HPRT1: variants seen among roughly 807,000 people sequenced by gnomAD.
HPRT1 encodes the protein hypoxanthine phosphoribosyltransferase 1.
A neutral mutation model predicts 19.0 loss-of-function variants in HPRT1; 4 were observed. The observed-to-expected ratio is 0.21, with a 90% confidence interval of 0.10 to 0.48. The LOEUF is 0.48. Among genes scored for constraint, HPRT1 ranks in the 20% least tolerant of loss-of-function variants. The pLI is 0.98. For missense variants in HPRT1, 65 were observed against 164.0 expected (o/e 0.40, Z 3.30); for synonymous variants, 53 against 54.9 (o/e 0.97, Z 0.15).
chrX:134,475,804 C>A (rs2077623681), intron 3 of HPRT1, among the ~76,000 whole-genome samples: 2 of 110,486 alleles, frequency 1.8e-5, no homozygotes, highest in Non-Finnish European at 3.8e-5. Flanking sequence ...TTTTTTAACA[C>A]ACTTAAGAAA....
intron 4 of HPRT1, 76 bp from the exon 5 acceptor site, chrX:134,490,112 T>C (rs2077662697): frequency 3.2e-6 from 2 of 626,211 alleles, no homozygotes; most frequent in Non-Finnish European, 5.2e-6. Flanking sequence ...TTAGGGTTGT[T>C]ATGATGTGAT....
At chrX:134,468,390 G>A (rs1171450139) in intron 1 of HPRT1, among the ~76,000 whole-genome samples, 1 of 109,048 alleles carries the variant, frequency 9.2e-6, no homozygotes, top group Non-Finnish European at 1.9e-5. Flanking sequence ...TGAGGCGGGC[G>A]GATCATGAGA....
At chrX:134,491,898 A>ATT (rs1286629805) in intron 5 of HPRT1, among the ~76,000 whole-genome samples, 3 of 100,196 alleles carry the variant, frequency 3.0e-5, no homozygotes, top group African/African-American at 1.1e-4. Context: ...TGCCTGGCTA[A>ATT]TTGTGTGTGT....
Position 134,480,614 on chromosome X carries a change from A to T in HPRT1, c.318+5250A>T, listed in dbSNP as rs1475739622. 1.5e-4 allele frequency among the ~76,000 whole-genome samples: 11 copies of T among 74,920 alleles called. No individual in the cohort carries two copies. In the South Asian group the frequency reaches 5.4e-3, roughly 36 times the overall value. 65.1% of individuals were successfully genotyped at this position (74,920 alleles called of 115,157 possible). ...GCGTGCCATCACCCATGGCTATTTT[A>T]AAAAAAAAAAAAATTGTAGAGATAG... On this transcript the variant is annotated intron_variant, in intron 3 of 8. Coordinates refer to ENST00000298556, the MANE Select transcript of HPRT1 (RefSeq NM_000194.3).
chrX:134,465,444 G>A (rs1006034378), intron 1 of HPRT1, among the ~76,000 whole-genome samples: 5 of 110,960 alleles, frequency 4.5e-5, no homozygotes, highest in African/African-American at 1.6e-4. Context: ...ATGTTTACAT[G>A]GGTCAGTCTG....
intron 1 of HPRT1, 30 bp from the exon 2 acceptor site, chrX:134,473,329 C>G (rs772368311): frequency 1.2e-6 from 1 of 838,908 alleles, no homozygotes; most frequent in Admixed American, 2.2e-5. Flanking sequence ...CTGTAATGCT[C>G]TCATTGAAAC....
chrX:134,464,989 C>G (rs1297104409), intron 1 of HPRT1, among the ~76,000 whole-genome samples: 1 of 109,973 alleles, frequency 9.1e-6, no homozygotes, highest in East Asian at 2.8e-4. Context: ...GGTGCAATCT[C>G]AGCTCACTGC....
chrX:134,476,720 G>A (rs941834820), intron 3 of HPRT1, among the ~76,000 whole-genome samples: 1 of 111,832 alleles, frequency 8.9e-6, no homozygotes, highest in Admixed American at 9.6e-5. Flanking sequence ...AAGCAAAAAC[G>A]AGCAAAATAG....
intron 1 of HPRT1, among the ~76,000 whole-genome samples, chrX:134,468,520 C>T: frequency 9.1e-6 from 1 of 110,268 alleles, no homozygotes; most frequent in Middle Eastern, 4.7e-3. Flanking sequence ...CTTTGTGAGG[C>T]TGAGGCAGGC....
chrX:134,494,206 A>G (rs1246004455), intron 6 of HPRT1, among the ~76,000 whole-genome samples: 1 of 112,446 alleles, frequency 8.9e-6, no homozygotes, highest in Non-Finnish European at 1.9e-5. Flanking sequence ...CTAGTCCGCT[A>G]TAGAGATGAG....
chrX:134,470,614 A>ATT (rs1462815597), intron 1 of HPRT1, among the ~76,000 whole-genome samples: 1 of 111,640 alleles, frequency 9.0e-6, no homozygotes, highest in East Asian at 2.8e-4. Flanking sequence ...AGCTTCTTGA[A>ATT]TGTGATTTGA....
chrX:134,498,373 C>T lies in HPRT1; in HGVS notation c.486-17C>T. ...TAGTCTCTCTGTATGTTATATGTCA[C>T]ATTTTGTAATTAACAGCTTGCTGGT... On this transcript the variant is annotated splice_polypyrimidine_tract_variant and intron_variant, in intron 6 of 8. Coordinates refer to ENST00000298556, the MANE Select transcript of HPRT1 (RefSeq NM_000194.3). The T allele has an allele frequency of 8.5e-7, 1 of 1,181,246 alleles. No individual in the cohort carries two copies. Among genetic ancestry groups the T allele is most frequent in the Non-Finnish European group, 1.2e-6 (1 of 867,380 alleles).
intron 3 of HPRT1, among the ~76,000 whole-genome samples, chrX:134,483,518 T>G (rs2077645102): frequency 9.0e-6 from 1 of 111,475 alleles, no homozygotes; most frequent in African/African-American, 3.3e-5. Flanking sequence ...TCAGGACAGA[T>G]TGGACTCCTT....
intron 3 of HPRT1, among the ~76,000 whole-genome samples, chrX:134,480,786 CACAA>C (rs2077637264): frequency 2.0e-5 from 2 of 98,628 alleles, no homozygotes; most frequent in Non-Finnish European, 4.1e-5. Context: ...CACACACACA[CACAA>C]ACACATATGT....
chrX:134,460,775 G>A (rs2077581455), intron 1 of HPRT1, among the ~76,000 whole-genome samples: 1 of 110,161 alleles, frequency 9.1e-6, no homozygotes, highest in Non-Finnish European at 1.9e-5. Context: ...GCCTCGGCAC[G>A]GAAAGCGACC....
At chrX:134,461,154 C>A (rs112983159) in intron 1 of HPRT1, among the ~76,000 whole-genome samples, 3 of 111,786 alleles carry the variant, frequency 2.7e-5, no homozygotes, top group African/African-American at 9.7e-5. Context: ...CCGTTCTGAT[C>A]ATGCTTGCTA....
chrX:134,476,924 G>A (rs1046043802), intron 3 of HPRT1, among the ~76,000 whole-genome samples: 1 of 110,398 alleles, frequency 9.1e-6, no homozygotes, highest in Non-Finnish European at 1.9e-5. Flanking sequence ...CATAAGCAAA[G>A]CATATTTTTA....
intron 6 of HPRT1, among the ~76,000 whole-genome samples, chrX:134,496,960 T>G (rs2077682065): frequency 8.9e-6 from 1 of 112,152 alleles, no homozygotes; most frequent in South Asian, 3.7e-4. Context: ...TGAGACTGCC[T>G]TTAACATCTG....
At chrX:134,492,029 A>G (rs1480790717) in intron 5 of HPRT1, among the ~76,000 whole-genome samples, 1 of 99,710 alleles carries the variant, frequency 1.0e-5, no homozygotes, top group Non-Finnish European at 2.0e-5. Flanking sequence ...ATACATATAT[A>G]TATATACACA....
Sources: allele counts gnomAD v4.1 joint callset (sites outside exome capture counted in the v4.1 genomes callset), GRCh38; gene constraint gnomAD v4.1.1; transcripts MANE v1.5; gene names NCBI Gene and HGNC (gene_info 2026-07-23, HGNC 2026-07-21).